The following PIK3C3 variants were observed in gnomAD, a reference collection of about 807,000 sequenced individuals.
PIK3C3 encodes the protein PI3-kinase type 3.
A neutral mutation model predicts 126.1 loss-of-function variants in PIK3C3; 95 were observed. The observed-to-expected ratio is 0.75, with a 90% CI of 0.64 to 0.89. The LOEUF (loss-of-function observed/expected upper bound fraction) is 0.89. PIK3C3 is among the 40% of genes least tolerant of loss of function. The pLI is 0.00. For missense variants in PIK3C3, 829 were observed against 1,063.2 expected, an observed-to-expected ratio of 0.78 and a Z score of 3.06; for synonymous variants, 374 against 360.0, an observed-to-expected ratio of 1.04 and a Z score of -0.44.
At chr18:42,017,828 T>G (rs1385681960) in intron 12 of PIK3C3, among the ~76,000 whole-genome samples, 1 of 152,020 alleles carries the variant, frequency 6.6e-6, no homozygotes, top group African/African-American at 2.4e-5. Context: ...ATGTTTATAT[T>G]TAGGTCCCTT....
chr18:41,955,601 C>T (rs557554105), intron 1 of PIK3C3, among the ~76,000 whole-genome samples: 3 of 152,286 alleles, frequency 2.0e-5, no homozygotes, highest in East Asian at 1.9e-4. Context: ...CCTTAAGTTC[C>T]GCTGTATTTT....
At chr18:42,014,570 CT>C (rs1251113684) in intron 11 of PIK3C3, among the ~76,000 whole-genome samples, 1 of 152,094 alleles carries the variant, frequency 6.6e-6, no homozygotes, top group Non-Finnish European at 1.5e-5. Flanking sequence ...ATTTTTTCTA[CT>C]TTTTGCTTTT....
chr18:41,968,805 A>AT (rs1013910001), intron 3 of PIK3C3, among the ~76,000 whole-genome samples: 8 of 150,434 alleles, frequency 5.3e-5, no homozygotes, highest in African/African-American at 7.4e-5. Context: ...TAAGGAGACA[A>AT]TTTTTTTTTG....
chr18:42,049,292 A>G (rs1469551678), intron 20 of PIK3C3: 4 of 359,816 alleles, frequency 1.1e-5, no homozygotes, highest in East Asian at 9.3e-5. Context: ...ACCTAACTTA[A>G]GTTTTGATGC....
rs966664740 is a variant in PIK3C3, at chr18:41,984,570, C to T, written c.532-3242C>T. On this transcript the variant is annotated intron_variant, in intron 4 of 24. Coordinates refer to ENST00000262039, the MANE Select transcript of PIK3C3 (RefSeq NM_002647.4). ...TGTGTTAGCTGGAGTTTAGTGAGTT[C>T]GTTGGAGAGGTGAAGGAGATTATTC... Among the ~76,000 whole-genome samples, 9 of 152,012 alleles carry T rather than the reference C, an allele frequency of 5.9e-5. No homozygotes were observed. The East Asian group carries it at 7.7e-4, about 13-fold the overall frequency.
intron 24 of PIK3C3, among the ~76,000 whole-genome samples, chr18:42,076,195 C>T (rs1368416785): frequency 7.1e-5 from 8 of 111,910 alleles, no homozygotes; most frequent in East Asian, 2.6e-4. Context: ...TATATATGCA[C>T]ACATATATAT....
intron 10 of PIK3C3, among the ~76,000 whole-genome samples, chr18:42,006,401 A>G (rs1982544296): frequency 7.1e-6 from 1 of 140,122 alleles, no homozygotes; most frequent in Admixed American, 7.2e-5. Flanking sequence ...TTACATTGGC[A>G]TGATTGATTA....
intron 19 of PIK3C3, among the ~76,000 whole-genome samples, chr18:42,041,419 C>T (rs1984312725): frequency 6.6e-6 from 1 of 151,252 alleles, no homozygotes; most frequent in African/African-American, 2.4e-5. Context: ...CTCCCTTCAA[C>T]CTATTGCTCC....
chr18:41,977,477 A>G (rs1264665326), intron 4 of PIK3C3, among the ~76,000 whole-genome samples: 1 of 152,044 alleles, frequency 6.6e-6, no homozygotes, highest in East Asian at 1.9e-4. Flanking sequence ...CATGAGAGGA[A>G]GTGGCTATAT....
At chr18:42,013,391 A>G in intron 10 of PIK3C3, 51 bp from the exon 11 acceptor site, 1 of 1,026,764 alleles carries the variant, frequency 9.7e-7, no homozygotes, top group Non-Finnish European at 1.4e-6. Flanking sequence ...TATGTCTGTA[A>G]TAATTTTGCA....
intron 20 of PIK3C3, 33 bp downstream of exon 20, chr18:42,043,850 C>T (rs945677589): frequency 1.4e-6 from 2 of 1,447,686 alleles, no homozygotes; most frequent in African/African-American, 1.4e-5. Flanking sequence ...TTCCATTGAT[C>T]AGATAAAGAA....
At chr18:42,041,151 C>T (rs1031487465) in intron 19 of PIK3C3, among the ~76,000 whole-genome samples, 22 of 151,574 alleles carry the variant, frequency 1.5e-4, no homozygotes, top group African/African-American at 4.6e-4. Flanking sequence ...CATTGCACTC[C>T]GGCCTGGGTG....
intron 12 of PIK3C3, among the ~76,000 whole-genome samples, chr18:42,017,017 CTGT>C: frequency 6.6e-6 from 1 of 152,194 alleles, no homozygotes; most frequent in Non-Finnish European, 1.5e-5. Flanking sequence ...ATGAACCTAT[CTGT>C]TGTTATTCAA....
chr18:42,064,627 A>G (rs755189013), intron 22 of PIK3C3, 113 bp from the exon 23 acceptor site: 34 of 606,404 alleles, frequency 5.6e-5, no homozygotes, highest in Admixed American at 2.8e-4. Flanking sequence ...TGCTGGAATA[A>G]TAGTAATCAC....
At chr18:42,066,257 G>A (rs12456084) in intron 23 of PIK3C3, among the ~76,000 whole-genome samples, 34,642 of 152,098 alleles carry the variant, frequency 0.23, 4,479 homozygotes, top group South Asian at 0.4. Flanking sequence ...AGCACTCTCA[G>A]ATCACCTGGT....
intron 9 of PIK3C3, among the ~76,000 whole-genome samples, chr18:41,997,342 A>G (rs1982078396): frequency 6.6e-6 from 1 of 152,092 alleles, no homozygotes; most frequent in Admixed American, 6.6e-5. Flanking sequence ...AAAGCTAGAC[A>G]TTTGCTTCCT....
chr18:42,018,866 G>A (rs780431757), intron 12 of PIK3C3, among the ~76,000 whole-genome samples: 4 of 152,226 alleles, frequency 2.6e-5, no homozygotes, highest in Non-Finnish European at 2.9e-5. Context: ...TATTGCTGAA[G>A]AAAAGCACAT....
intron 12 of PIK3C3, among the ~76,000 whole-genome samples, 181 bp from the exon 13 acceptor site, chr18:42,020,457 T>C (rs988767910): frequency 2.0e-5 from 3 of 152,156 alleles, no homozygotes; most frequent in Non-Finnish European, 2.9e-5. Flanking sequence ...TTCTAACCAC[T>C]TGCATATTTT....
intron 22 of PIK3C3, among the ~76,000 whole-genome samples, chr18:42,061,984 G>A (rs1466987233): frequency 2.6e-5 from 4 of 152,054 alleles, no homozygotes; most frequent in Non-Finnish European, 5.9e-5. Context: ...GTGGCAAGGG[G>A]AAAGTTCTGG....
Sources: allele counts gnomAD v4.1 joint callset (sites outside exome capture counted in the v4.1 genomes callset), GRCh38; gene constraint gnomAD v4.1.1; transcripts MANE v1.5; gene names NCBI Gene and HGNC (gene_info 2026-07-23, HGNC 2026-07-21).